Variants in EXT1 observed in about 807,000 individuals in gnomAD.
The protein encoded by EXT1 is exostosin glycosyltransferase 1, also known as exostosin-1.
A neutral mutation model predicts 82.5 loss-of-function variants in EXT1; 20 were observed. The observed-to-expected ratio is 0.24, with a 90% CI of 0.17 to 0.35. EXT1 has a LOEUF of 0.35. Among genes scored for constraint, EXT1 ranks in the 10% least tolerant of loss-of-function variants. The probability of loss-of-function intolerance (pLI) is 1.00; values close to 1 mark genes in which losing one functional copy is unlikely to be tolerated. For missense variants in EXT1, 757 were observed against 936.5 expected, an observed-to-expected ratio of 0.81 and a Z score of 2.50; for synonymous variants, 348 against 350.8, an observed-to-expected ratio of 0.99 and a Z score of 0.09.
intron 1 of EXT1, among the ~76,000 whole-genome samples, chr8:118,090,277 T>C (rs1255118751): frequency 5.3e-5 from 8 of 151,784 alleles, no homozygotes; most frequent in Non-Finnish European, 1.2e-4. Flanking sequence ...AATAAAAAAT[T>C]AGCAGGGTGT....
chr8:118,093,747 C>T (rs1586269708), intron 1 of EXT1, among the ~76,000 whole-genome samples: 1 of 152,238 alleles, frequency 6.6e-6, no homozygotes, highest in Non-Finnish European at 1.5e-5. Flanking sequence ...TGTCTGAATG[C>T]TCCCAGATCT....
chr8:117,806,530 G>A lies in EXT1; in HGVS notation c.1883+687C>T, dbSNP rs570037609. ...TGCCCCCTGACTTTTCTGACTTCCT[G>A]TCACCCATTCCACCCAGTCACAGTG... On this transcript the variant is annotated intron_variant, in intron 9 of 10. Transcript: ENST00000378204. 3.3e-5 allele frequency among the ~76,000 whole-genome samples: 5 copies of A among 152,128 alleles called. 1 individual carries two copies. Among genetic ancestry groups the A allele is most frequent in the Non-Finnish European group, 5.9e-5 (4 of 68,022 alleles).
chr8:117,913,569 C>T (rs971860021), intron 1 of EXT1, among the ~76,000 whole-genome samples: 16 of 152,274 alleles, frequency 1.1e-4, no homozygotes, highest in East Asian at 3.9e-4. Context: ...GCCAAGGAGA[C>T]GCTAACCCAG....
At chr8:117,952,681 G>C (rs767587848) in intron 1 of EXT1, among the ~76,000 whole-genome samples, 14 of 152,034 alleles carry the variant, frequency 9.2e-5, no homozygotes, top group Admixed American at 2.0e-4. Flanking sequence ...AGAATCGCTT[G>C]AACCAGGAGG....
At chr8:117,925,855 G>A (rs1392089118) in intron 1 of EXT1, among the ~76,000 whole-genome samples, 4 of 152,132 alleles carry the variant, frequency 2.6e-5, no homozygotes, top group Non-Finnish European at 5.9e-5. Flanking sequence ...CCAAGATTGT[G>A]CCACTGCACT....
intron 1 of EXT1, among the ~76,000 whole-genome samples, chr8:117,995,443 C>A (rs1371407157): frequency 1.3e-5 from 2 of 152,110 alleles, no homozygotes; most frequent in East Asian, 3.8e-4. Context: ...GGATTGGTGA[C>A]CTGCTGGGTA....
At chr8:117,967,646 G>A (rs918061254) in intron 1 of EXT1, among the ~76,000 whole-genome samples, 19 of 152,166 alleles carry the variant, frequency 1.2e-4, no homozygotes, top group Admixed American at 6.5e-4. Flanking sequence ...TGAGCACTTG[G>A]ATAACAAGGG....
At chr8:117,856,944 AC>A (rs1812573209) in intron 1 of EXT1, among the ~76,000 whole-genome samples, 3 of 151,960 alleles carry the variant, frequency 2.0e-5, no homozygotes, top group South Asian at 4.1e-4. Flanking sequence ...CTCATTTACC[AC>A]TCCAAAAATC....
intron 1 of EXT1, among the ~76,000 whole-genome samples, chr8:117,996,906 C>T (rs1037627924): frequency 6.6e-6 from 1 of 152,156 alleles, no homozygotes; most frequent in African/African-American, 2.4e-5. Flanking sequence ...CTAAAATTTC[C>T]ATCACTATCT....
intron 1 of EXT1, among the ~76,000 whole-genome samples, chr8:118,058,995 AC>A (rs1816838579): frequency 6.6e-6 from 1 of 151,934 alleles, no homozygotes; most frequent in Non-Finnish European, 1.5e-5. Flanking sequence ...CCTTTTCTCC[AC>A]CCCACCAGAC....
intron 10 of EXT1, among the ~76,000 whole-genome samples, chr8:117,803,681 A>G (rs763484731): frequency 9.8e-5 from 15 of 152,342 alleles, no homozygotes; most frequent in Middle Eastern, 3.4e-3. Flanking sequence ...AACTTGTGGC[A>G]ATATGCTTAA....
intron 1 of EXT1, among the ~76,000 whole-genome samples, chr8:117,931,337 A>AT (rs1814057881): frequency 6.6e-6 from 1 of 152,214 alleles, no homozygotes; most frequent in Non-Finnish European, 1.5e-5. Flanking sequence ...ACAGACATAC[A>AT]TATGCCCTTC....
chr8:117,812,863 G>A lies in EXT1; in HGVS notation c.1722+9C>T, dbSNP rs371055794. On this transcript the variant is annotated intron_variant, in intron 8 of 10. Coordinates refer to ENST00000378204, the MANE Select transcript of EXT1 (RefSeq NM_000127.3). ...GCCCACCTGCTGCTCCTCAGGCATG[G>A]GTTCTTACCTCTGTTGTTGAAAGCA... The A allele has an allele frequency of 3.3e-5, 53 of 1,613,478 alleles. No individual in the cohort carries two copies. The highest frequency in any genetic ancestry group is 4.3e-5 in the Non-Finnish European group (51 of 1,179,642).
chr8:117,797,405 T>A lies in EXT1; in HGVS notation c.*2307A>T, dbSNP rs1320064998. ...ACACATGTTGTTTGTGGAGGATATG[T>A]GTTGTGAGCTTGGTGACAGGTCAAT... is the stretch of plus-strand genomic sequence containing the variant. On this transcript the variant is annotated 3_prime_UTR_variant, in exon 11 of 11. Transcript: ENST00000378204. 1 of 152,234 alleles carries A rather than the reference T, an allele frequency of 6.6e-6. No individual in the cohort carries two copies. Among genetic ancestry groups the A allele is most frequent in the East Asian group, 1.9e-4 (1 of 5,200 alleles). 9.4% of individuals were successfully genotyped at this position (152,234 alleles called of 1,614,324 possible). A position where few individuals can be genotyped will look rare whatever the true frequency, so the allele number is the denominator to read the frequency against.
intron 6 of EXT1, among the ~76,000 whole-genome samples, 195 bp from the exon 7 acceptor site, chr8:117,818,725 T>A (rs1811870804): frequency 6.6e-6 from 1 of 151,776 alleles, no homozygotes; most frequent in Non-Finnish European, 1.5e-5. Flanking sequence ...CCCCAACAAC[T>A]GGAGAGAGGA....
At chr8:117,904,842 GAAA>G (rs58693626) in intron 1 of EXT1, among the ~76,000 whole-genome samples, 1 of 145,358 alleles carries the variant, frequency 6.9e-6, no homozygotes. Context: ...AGAGAAATTG[GAAA>G]AAAAAAAGTG....
intron 7 of EXT1, among the ~76,000 whole-genome samples, chr8:117,818,201 G>A (rs1168444954): frequency 1.3e-5 from 2 of 152,216 alleles, no homozygotes; most frequent in Non-Finnish European, 2.9e-5. Flanking sequence ...GGCTCATAGA[G>A]GTTAAGTATA....
chr8:117,849,319 C>T (rs1275699085), intron 1 of EXT1, among the ~76,000 whole-genome samples: 1 of 152,208 alleles, frequency 6.6e-6, no homozygotes, highest in Non-Finnish European at 1.5e-5. Context: ...ATGTATACTG[C>T]ATGAGAGAAG....
intron 1 of EXT1, among the ~76,000 whole-genome samples, chr8:117,855,407 G>T (rs1269065287): frequency 6.6e-6 from 1 of 151,982 alleles, no homozygotes; most frequent in East Asian, 1.9e-4. Context: ...TATTGTTATT[G>T]TATGTTAGGG....
Sources: gnomAD v4.1 joint callset for allele counts (sites outside exome capture counted in the v4.1 genomes callset) on GRCh38, gnomAD v4.1.1 for gene constraint, MANE v1.5 for transcripts, NCBI Gene and HGNC (gene_info 2026-07-23, HGNC 2026-07-21) for gene names.